The following DAGLB variants were observed in gnomAD, a reference collection of about 807,000 sequenced individuals.
DAGLB encodes the protein diacylglycerol lipase beta.
A neutral mutation model predicts 72.1 loss-of-function variants in DAGLB; 66 were observed. The ratio of observed to expected loss-of-function variants is 0.92; its 90% CI spans 0.75 to 1.12. The LOEUF (loss-of-function observed/expected upper bound fraction) is 1.12, where lower values mean the gene tolerates loss of function less well. DAGLB is among the 50% of genes most tolerant of loss of function. The pLI is 0.00. For missense variants in DAGLB, 1,065 were observed against 884.9 expected (o/e 1.20, Z -2.58); for synonymous variants, 414 against 359.5 (o/e 1.15, Z -1.71).
chr7:6,446,770 A>C (rs1460925440), intron 1 of DAGLB, among the ~76,000 whole-genome samples: 2 of 151,110 alleles, frequency 1.3e-5, no homozygotes, highest in African/African-American at 4.9e-5. Context: ...GCACTTTGGG[A>C]GGCCAAGGCA....
At chr7:6,436,182 C>T (rs774172147) in intron 3 of DAGLB, among the ~76,000 whole-genome samples, 180 bp downstream of exon 3, 10 of 151,962 alleles carry the variant, frequency 6.6e-5, no homozygotes, top group African/African-American at 1.7e-4. Flanking sequence ...TAACGAAAGA[C>T]GAGTTGTATT....
intron 14 of DAGLB, 46 bp from the exon 15 acceptor site, chr7:6,410,081 A>AC (rs753682676): frequency 2.5e-5 from 40 of 1,588,082 alleles, no homozygotes; most frequent in Middle Eastern, 1.7e-4. Context: ...CCCAGGGCTG[A>AC]CCCCGCGCTG....
intron 13 of DAGLB, 38 bp from the exon 14 acceptor site, chr7:6,410,418 AC>A: frequency 6.4e-7 from 1 of 1,554,624 alleles, no homozygotes; most frequent in African/African-American, 1.4e-5. Context: ...GCTGTCACTC[AC>A]CCTCTGTCAC....
At position 6,421,782 on chromosome 7, in the gene DAGLB, G is replaced by A. The variant is rs745496150; in HGVS notation, c.1163C>T (p.Ala388Val). The A allele has an allele frequency of 4.2e-5, 67 of 1,613,004 alleles. No homozygotes were observed. Among genetic ancestry groups the A allele is most frequent in the South Asian group, 3.5e-4 (32 of 91,084 alleles). The stretch of plus-strand genomic sequence containing the variant: ...CTCCACGTCCAGCACCTCACTCTCC[G>A]CTGACAGGTCCGTAAGGACATCCTG... ...SLQDVLTDLS[A>V]ESEVLDVECE... is the part of the protein sequence containing the mutation. Residue 388 changes from alanine (A) to valine (V), a missense_variant, in exon 9 of 15, where the codon GCG (alanine) becomes GTG (valine). Coordinates refer to ENST00000297056, the MANE Select transcript of DAGLB (RefSeq NM_139179.4).
intron 5 of DAGLB, 32 bp downstream of exon 5, chr7:6,432,805 C>T (rs1262780937): frequency 6.2e-7 from 1 of 1,601,712 alleles, no homozygotes; most frequent in African/African-American, 1.3e-5. Flanking sequence ...GTGTAAGTGT[C>T]AGAACTGGAC....
At position 6,425,734 on chromosome 7, in the gene DAGLB, C is replaced by T. The variant is rs75488887; in HGVS notation, c.1056+254G>A. Reference sequence around the variant, plus strand: ...GGGATTTCACTCCTCAACAGAAGGGCGAGGTAAGAAACACAGCGCGCTATC... The same window carrying T: ...GGGATTTCACTCCTCAACAGAAGGGTGAGGTAAGAAACACAGCGCGCTATC... On this transcript the variant is annotated intron_variant, in intron 7 of 14. Coordinates refer to ENST00000297056, the MANE Select transcript of DAGLB (RefSeq NM_139179.4). Among the ~76,000 whole-genome samples the T allele has an allele frequency of 5.1e-3, 769 of 152,216 alleles. 39 individuals are homozygous for T. In the East Asian group the frequency reaches 0.11, roughly 23 times the overall value.
At chr7:6,431,907 A>C (rs1784498308) in intron 5 of DAGLB, among the ~76,000 whole-genome samples, 1 of 152,214 alleles carries the variant, frequency 6.6e-6, no homozygotes, top group African/African-American at 2.4e-5. Flanking sequence ...CGCCAATCAG[A>C]TTCCAACCCT....
chr7:6,435,737 T>G (rs927253705), intron 3 of DAGLB, among the ~76,000 whole-genome samples: 1 of 152,134 alleles, frequency 6.6e-6, no homozygotes, highest in African/African-American at 2.4e-5. Flanking sequence ...TGTTTAAATA[T>G]TTCACACTGC....
intron 4 of DAGLB, among the ~76,000 whole-genome samples, 153 bp downstream of exon 4, chr7:6,434,609 G>T (rs1224719020): frequency 2.0e-5 from 3 of 151,982 alleles, no homozygotes; most frequent in African/African-American, 7.2e-5. Flanking sequence ...CTCCCTGGAG[G>T]GCTCATCACA....
intron 2 of DAGLB, among the ~76,000 whole-genome samples, chr7:6,440,386 CAAA>C (rs58281609): frequency 3.0e-5 from 4 of 133,762 alleles, no homozygotes; most frequent in African/African-American, 2.6e-5. Flanking sequence ...ACTCCGTCTC[CAAA>C]AAAAAAAAAA....
At chr7:6,441,881 T>C (rs1163578847) in intron 2 of DAGLB, among the ~76,000 whole-genome samples, 1 of 152,114 alleles carries the variant, frequency 6.6e-6, no homozygotes, top group Non-Finnish European at 1.5e-5. Context: ...AGGGCCACAA[T>C]GACTCGAGCG....
At chr7:6,424,881 G>C in intron 7 of DAGLB, 46 bp from the exon 8 acceptor site, 4 of 1,586,032 alleles carry the variant, frequency 2.5e-6, no homozygotes, top group Non-Finnish European at 3.5e-6. Context: ...GTGAACACAC[G>C]CACCAGCACG....
chr7:6,420,964 T>C (rs1467703575), intron 9 of DAGLB, among the ~76,000 whole-genome samples: 2 of 152,220 alleles, frequency 1.3e-5, no homozygotes, highest in African/African-American at 4.8e-5. Flanking sequence ...TCTGCTGCTC[T>C]GAGCTTTGAT....
intron 5 of DAGLB, among the ~76,000 whole-genome samples, chr7:6,431,067 C>G (rs1395631039): frequency 6.6e-6 from 1 of 152,068 alleles, no homozygotes; most frequent in Non-Finnish European, 1.5e-5. Context: ...TGAGCCACCA[C>G]GCCCAGCCTG....
chr7:6,415,278 A>G (rs1783868912), intron 11 of DAGLB, among the ~76,000 whole-genome samples: 1 of 151,896 alleles, frequency 6.6e-6, no homozygotes, highest in Non-Finnish European at 1.5e-5. Flanking sequence ...ACACTTCTTT[A>G]TTGAGGGAAA....
chr7:6,409,907 C>T lies in DAGLB; in HGVS notation c.1949G>A (p.Ser650Asn). The T allele has an allele frequency of 1.2e-6, 2 of 1,614,118 alleles. No individual in the cohort carries two copies. The highest frequency in any genetic ancestry group is 1.7e-6 in the Non-Finnish European group (2 of 1,180,042). Residue 650 changes from serine to asparagine, a missense_variant, in exon 15 of 15, where the codon AGC becomes AAC. Ser to Asn is a conservative substitution (Grantham distance 46). Transcript: ENST00000297056. ...MPDILMRALDSVVSDRAACVS... is the reference protein window; with the variant it reads ...MPDILMRALDNVVSDRAACVS... ...GCAGGCCGCTCTGTCGGAGACCACG[C>T]TGTCCAAGGCCCGCATCAGGATGTC...
chr7:6,409,898 G>C lies in DAGLB; in HGVS notation c.1958C>G (p.Ser653Cys). 1 of 1,614,106 alleles carries C rather than the reference G, an allele frequency of 6.2e-7. No individual in the cohort carries two copies. Residue 653 changes from serine to cysteine, a missense_variant, in exon 15 of 15, where the codon TCC becomes TGC. Ser to Cys is a moderately radical substitution (Grantham distance 112). Coordinates refer to ENST00000297056, the MANE Select transcript of DAGLB (RefSeq NM_139179.4). ...ACAGGAGACGCAGGCCGCTCTGTCG[G>C]AGACCACGCTGTCCAAGGCCCGCAT... The part of the protein sequence containing the change: ...ILMRALDSVV[S>C]DRAACVSCPA...
rs769939855 is a variant in DAGLB, at chr7:6,410,353, A to G, written c.1597T>C (p.Tyr533His). Residue 533 changes from tyrosine to histidine, a missense_variant, in exon 14 of 15, where the codon TAC becomes CAC. Physicochemically the swap from Tyr to His is moderately conservative, Grantham distance 83. Coordinates refer to ENST00000297056, the MANE Select transcript of DAGLB (RefSeq NM_139179.4). ...KYKILLHGLW[Y>H]ELFGGNPNNL... The stretch of plus-strand genomic sequence containing the variant: ...TTGGGGTTTCCTCCAAACAGTTCGT[A>G]CCACAAACCGTGCAGCAAGATCTTG... 2.5e-6 allele frequency: 4 copies of G among 1,613,560 alleles called. No individual in the cohort carries two copies. In the East Asian group the frequency reaches 8.9e-5, roughly 36 times the overall value.
At chr7:6,420,916 TG>T (rs1356540300) in intron 9 of DAGLB, among the ~76,000 whole-genome samples, 4 of 152,126 alleles carry the variant, frequency 2.6e-5, no homozygotes, top group African/African-American at 9.7e-5. Flanking sequence ...AGAGCGCCCG[TG>T]GGGTGGGCCT....
Sources: gnomAD v4.1 joint callset for allele counts (sites outside exome capture counted in the v4.1 genomes callset) on GRCh38, gnomAD v4.1.1 for gene constraint, MANE v1.5 for transcripts, NCBI Gene and HGNC (gene_info 2026-07-23, HGNC 2026-07-21) for gene names.